Variants in FGD4 observed in about 807,000 individuals in gnomAD.
FGD4 encodes the protein FYVE, RhoGEF and PH domain-containing protein 4.
FGD4 carries 42 observed loss-of-function variants against 102.0 expected under a neutral mutation model. The observed-to-expected ratio is 0.41, with a 90% CI of 0.32 to 0.53. The LOEUF is 0.53. Among genes scored for constraint, FGD4 ranks in the 20% least tolerant of loss-of-function variants. FGD4 has a pLI of 0.21. For synonymous variants in FGD4, 380 were observed against 375.7 expected, an observed-to-expected ratio of 1.01 and a Z score of -0.13; for missense variants, 902 against 1,078.2, an observed-to-expected ratio of 0.84 and a Z score of 2.29.
intron 2 of FGD4, among the ~76,000 whole-genome samples, chr12:32,568,097 C>T (rs771999216): frequency 3.3e-5 from 5 of 152,038 alleles, no homozygotes; most frequent in African/African-American, 4.8e-5. Context: ...TTATTAATTA[C>T]CAGTAAGTAA....
At chr12:32,465,968 G>A (rs542330004) in intron 1 of FGD4, among the ~76,000 whole-genome samples, 23 of 152,192 alleles carry the variant, frequency 1.5e-4, no homozygotes, top group African/African-American at 5.3e-4. Context: ...TGTAGTGATG[G>A]TGTCTTGCTA....
rs141796168 is a variant in FGD4, at chr12:32,638,104, G to A, written c.2314-551G>A. ...GTTCTGGGCACAGTGACTCACCCCT[G>A]TAATCCCAGCACTTTGGGAGGCCAA... On this transcript the variant is annotated intron_variant, in intron 15 of 16. Coordinates refer to ENST00000534526, the MANE Select transcript of FGD4 (RefSeq NM_001370298.3). Among the ~76,000 whole-genome samples, 140 of 152,300 alleles carry A rather than the reference G, an allele frequency of 9.2e-4. 1 individual carries two copies. Among genetic ancestry groups the A allele is most frequent in the African/African-American group, 3.2e-3 (132 of 41,560 alleles).
chr12:32,480,722 C>T (rs12230606), intron 1 of FGD4, among the ~76,000 whole-genome samples: 1 of 150,576 alleles, frequency 6.6e-6, no homozygotes, highest in Non-Finnish European at 1.5e-5. Flanking sequence ...GATGCTCTTG[C>T]TCTCCTGACC....
chr12:32,537,001 G>A (rs1051533959), intron 1 of FGD4, among the ~76,000 whole-genome samples: 4 of 150,418 alleles, frequency 2.7e-5, no homozygotes, highest in Admixed American at 6.6e-5. Flanking sequence ...CTCCACCTCC[G>A]GGGTTCACAC....
chr12:32,621,264 G>A (rs561952749), intron 11 of FGD4, among the ~76,000 whole-genome samples: 107 of 151,912 alleles, frequency 7.0e-4, no homozygotes, highest in Non-Finnish European at 1.3e-3. Flanking sequence ...CTCCAGCCTG[G>A]GCAACAGAGC....
intron 14 of FGD4, among the ~76,000 whole-genome samples, chr12:32,627,882 C>T (rs1474387961): frequency 5.9e-5 from 9 of 152,010 alleles, no homozygotes; most frequent in Admixed American, 5.9e-4. Context: ...GAGAAAGTGG[C>T]GGGGTCAGTG....
chr12:32,521,965 A>G (rs1200677075), intron 1 of FGD4, among the ~76,000 whole-genome samples: 1 of 152,252 alleles, frequency 6.6e-6, no homozygotes, highest in Admixed American at 6.5e-5. Flanking sequence ...TTGACAATAT[A>G]TAGATTGCCA....
At chr12:32,488,390 T>C (rs771014861) in intron 1 of FGD4, among the ~76,000 whole-genome samples, 7 of 152,022 alleles carry the variant, frequency 4.6e-5, no homozygotes, top group African/African-American at 9.7e-5. Context: ...AGAAGAGAAA[T>C]AGCTAGGGTA....
intron 1 of FGD4, among the ~76,000 whole-genome samples, chr12:32,411,054 C>T (rs1410090225): frequency 6.6e-6 from 1 of 151,294 alleles, no homozygotes; most frequent in African/African-American, 2.4e-5. Flanking sequence ...CCTCAGCCTC[C>T]TGTGTAGCTG....
chr12:32,585,252 A>ATATATATATATATATATATG (rs1946929208), intron 4 of FGD4, among the ~76,000 whole-genome samples: 1 of 129,644 alleles, frequency 7.7e-6, no homozygotes, highest in Non-Finnish European at 1.6e-5. Context: ...ATATATATAT[A>ATATATATATATATATATATG]TATATGTATA....
chr12:32,575,621 C>A (rs1946064599), intron 2 of FGD4, among the ~76,000 whole-genome samples: 1 of 152,120 alleles, frequency 6.6e-6, no homozygotes, highest in South Asian at 2.1e-4. Context: ...AACTCTGTTA[C>A]CCCAGGTCAG....
rs1951289976 is a variant in FGD4 at position 32,644,030 on chromosome 12, A to C, written c.*3497A>C. The C allele has an allele frequency of 2.0e-5, 3 of 152,284 alleles. No individual in the cohort carries two copies. The South Asian group carries it at 6.2e-4, about 32-fold the overall frequency. 9.4% of individuals were successfully genotyped at this position (152,284 alleles called of 1,614,324 possible). On this transcript the variant is annotated 3_prime_UTR_variant, in exon 17 of 17. Transcript: ENST00000534526. Reference sequence around the variant, plus strand: ...GGGTTTTATAGGTATCTTTGCTATAATGCAGAATAGATTAATGAAGATTTC... The same window carrying C: ...GGGTTTTATAGGTATCTTTGCTATACTGCAGAATAGATTAATGAAGATTTC...
intron 1 of FGD4, among the ~76,000 whole-genome samples, chr12:32,478,393 T>A (rs1171206760): frequency 6.6e-6 from 1 of 152,160 alleles, no homozygotes; most frequent in Non-Finnish European, 1.5e-5. Context: ...TCGTCCTGAA[T>A]AGCTGAAACT....
intron 1 of FGD4, among the ~76,000 whole-genome samples, chr12:32,411,262 C>T (rs1433654720): frequency 6.6e-6 from 1 of 151,752 alleles, no homozygotes; most frequent in Admixed American, 6.6e-5. Flanking sequence ...GTGGGTGGGA[C>T]GCGGTGGCTC....
At chr12:32,433,121 G>A (rs1418592579) in intron 1 of FGD4, among the ~76,000 whole-genome samples, 4 of 149,062 alleles carry the variant, frequency 2.7e-5, no homozygotes, top group East Asian at 2.0e-4. Flanking sequence ...CTCAGCCTCC[G>A]AAAAAGCTGA....
At chr12:32,409,199 T>A (rs933176083) in intron 1 of FGD4, among the ~76,000 whole-genome samples, 1 of 152,176 alleles carries the variant, frequency 6.6e-6, no homozygotes, top group Non-Finnish European at 1.5e-5. Flanking sequence ...ACATTGAATG[T>A]TTTTGCCTTA....
chr12:32,604,936 CTTTT>C lies in FGD4; in HGVS notation c.1404+2635_1404+2638del, dbSNP rs575943561. ...TCAATTTTATCTAGCTTTATAGCTG[CTTTT>C]TTTTTTTTTTTTTTTGGAGTTAGAG... On this transcript the variant is annotated intron_variant, in intron 7 of 16. Transcript: ENST00000534526. Among the ~76,000 whole-genome samples the C allele has an allele frequency of 3.4e-3, 325 of 94,526 alleles. 12 individuals carry two copies. The highest frequency in any genetic ancestry group is 0.015 in the African/African-American group (301 of 20,032). The allele number at this position is 94,526 out of a possible 152,430, so 62.0% of individuals were successfully genotyped here.
At chr12:32,446,561 G>A (rs918234424) in intron 1 of FGD4, among the ~76,000 whole-genome samples, 12 of 152,146 alleles carry the variant, frequency 7.9e-5, no homozygotes, top group African/African-American at 2.9e-4. Context: ...TTCCTGAAAT[G>A]AGGCTGTTAA....
chr12:32,582,065 C>A lies in FGD4; in HGVS notation c.609C>A (p.Leu203=), dbSNP rs1315014742. Residue 203 remains leucine (L), a synonymous_variant, in exon 4 of 17, where the codon CTC becomes CTA. Transcript: ENST00000534526. ...HGLTTTPQQK[L]LSQHLPQRQG... ...TGACAACCACACCTCAACAAAAACT[C>A]CTCTCCCAGCACTTGCCACAGAGGC... is the stretch of plus-strand genomic sequence containing the variant. 1.9e-6 allele frequency: 3 copies of A among 1,614,066 alleles called. No homozygotes were observed. Among genetic ancestry groups the A allele is most frequent in the Non-Finnish European group, 2.5e-6 (3 of 1,180,052 alleles).
Sources: allele counts gnomAD v4.1 joint callset (sites outside exome capture counted in the v4.1 genomes callset), GRCh38; gene constraint gnomAD v4.1.1; transcripts MANE v1.5; gene names NCBI Gene and HGNC (gene_info 2026-07-23, HGNC 2026-07-21).